Variants in EIF4H observed in about 807,000 individuals in gnomAD.
EIF4H encodes the protein Williams-Beuren syndrome chromosome region 1.
In EIF4H, 8 loss-of-function variants were observed where a neutral mutation model predicts 30.6. The ratio of observed to expected loss-of-function variants is 0.26; its 90% CI spans 0.15 to 0.47. The LOEUF (loss-of-function observed/expected upper bound fraction) is 0.47, where lower values mean the gene tolerates loss of function less well. Among genes scored for constraint, EIF4H ranks in the 20% least tolerant of loss-of-function variants. EIF4H has a pLI of 0.99. For synonymous variants in EIF4H, 106 were observed against 122.7 expected (o/e 0.86, Z 0.90); for missense variants, 188 against 339.5 (o/e 0.55, Z 3.51).
intron 1 of EIF4H, among the ~76,000 whole-genome samples, chr7:74,185,897 G>A (rs1801069032): frequency 1.3e-5 from 2 of 151,970 alleles, no homozygotes; most frequent in Admixed American, 1.3e-4. Context: ...CAGGAAATGG[G>A]TTAAATGTCT....
At chr7:74,186,807 T>A (rs1554709239) in intron 1 of EIF4H, among the ~76,000 whole-genome samples, 594 of 45,984 alleles carry the variant, frequency 0.013, 120 homozygotes, top group African/African-American at 0.044. Context: ...TTTTTTTTTT[T>A]TTTTTTTTTT....
intron 1 of EIF4H, among the ~76,000 whole-genome samples, chr7:74,174,643 G>A (rs953922527): frequency 6.6e-6 from 1 of 152,004 alleles, no homozygotes; most frequent in Admixed American, 6.5e-5. Context: ...CCGGGGTCTT[G>A]CTTGCGGGGC....
intron 5 of EIF4H, among the ~76,000 whole-genome samples, chr7:74,193,913 A>G (rs1801283244): frequency 6.6e-6 from 1 of 152,178 alleles, no homozygotes; most frequent in African/African-American, 2.4e-5. Flanking sequence ...ACCAAATTTT[A>G]ACATCAGTAG....
chr7:74,184,692 TTGTTTTTTG>T (rs1410351391), intron 1 of EIF4H, among the ~76,000 whole-genome samples: 1 of 152,060 alleles, frequency 6.6e-6, no homozygotes, highest in East Asian at 1.9e-4. Flanking sequence ...GCTTTTTTGT[TTGTTTTTTG>T]TGTTTTTTTG....
intron 1 of EIF4H, among the ~76,000 whole-genome samples, chr7:74,176,341 G>A (rs1406599421): frequency 6.6e-6 from 1 of 151,370 alleles, no homozygotes; most frequent in African/African-American, 2.4e-5. Flanking sequence ...GGGTTTAAGC[G>A]ATTCTCCTGC....
chr7:74,176,597 A>G (rs1800846912), intron 1 of EIF4H, among the ~76,000 whole-genome samples: 1 of 152,246 alleles, frequency 6.6e-6, no homozygotes, highest in Non-Finnish European at 1.5e-5. Flanking sequence ...GTCACAGGTG[A>G]AAGAAATGGT....
intron 2 of EIF4H, among the ~76,000 whole-genome samples, chr7:74,188,874 A>T (rs1554709510): frequency 6.6e-6 from 1 of 152,092 alleles, no homozygotes; most frequent in Non-Finnish European, 1.5e-5. Context: ...ACCTGGGGGG[A>T]CATCCCTCCA....
chr7:74,174,467 G>T (rs782514280), intron 1 of EIF4H, 25 bp downstream of exon 1: 1 of 1,399,804 alleles, frequency 7.1e-7, no homozygotes, highest in African/African-American at 1.5e-5. Context: ...CGCGGGCCCC[G>T]TCGGGGGCTG....
chr7:74,187,877 T>G, intron 2 of EIF4H, 79 bp downstream of exon 2: 1 of 1,413,856 alleles, frequency 7.1e-7, no homozygotes, highest in Non-Finnish European at 9.4e-7. Flanking sequence ...AAAAATAGAT[T>G]TGTGAACCAG....
In EIF4H at chr7:74,181,820, C is replaced by T. The variant is rs564639603; in HGVS notation, c.60-5791C>T. Among the ~76,000 whole-genome samples, 12 of 148,632 alleles carry T rather than the reference C, an allele frequency of 8.1e-5. No homozygotes were observed. The South Asian group carries it at 2.1e-3, about 26-fold the overall frequency. Reference sequence around the variant, plus strand: ...CGCGATCTCAGCTCACTGCAGCCTCCGCCACCACCCCTCAGCCTCCCGAGT... The same window carrying T: ...CGCGATCTCAGCTCACTGCAGCCTCTGCCACCACCCCTCAGCCTCCCGAGT... On this transcript the variant is annotated intron_variant, in intron 1 of 6. Coordinates refer to ENST00000265753, the MANE Select transcript of EIF4H (RefSeq NM_022170.2).
rs1468801960 is a variant in EIF4H, at chr7:74,178,867, T to C, written c.59+4425T>C. The stretch of plus-strand genomic sequence containing the variant: ...TTCGAAGTTTCCCCACGTCATGATT[T>C]ATGTGATTTTCCGTCTTGATCAGGA... On this transcript the variant is annotated intron_variant, in intron 1 of 6. Coordinates refer to ENST00000265753, the MANE Select transcript of EIF4H (RefSeq NM_022170.2). Among the ~76,000 whole-genome samples, 3 of 152,228 alleles carry C rather than the reference T, an allele frequency of 2.0e-5. No homozygotes were observed. In the East Asian group the frequency reaches 5.8e-4, roughly 29 times the overall value.
rs1270938024 is a variant in EIF4H at position 74,190,374 on chromosome 7, C to T, written c.469+68C>T. Reference sequence around the variant, plus strand: ...CCTTGCTGCTGTTCTCTGTTTCTTACGAGTAGCCCGCCTGGCCGGACTACT... The same window carrying T: ...CCTTGCTGCTGTTCTCTGTTTCTTATGAGTAGCCCGCCTGGCCGGACTACT... On this transcript the variant is annotated intron_variant, in intron 5 of 6. Coordinates refer to ENST00000265753, the MANE Select transcript of EIF4H (RefSeq NM_022170.2). The T allele has an allele frequency of 2.7e-5, 40 of 1,490,234 alleles. No individual in the cohort carries two copies. The East Asian group carries it at 6.1e-4, about 23-fold the overall frequency. 92.3% of individuals were successfully genotyped at this position (1,490,234 alleles called of 1,614,324 possible).
Position 74,195,535 on chromosome 7 carries a change from C to A in EIF4H, c.*227C>A. On this transcript the variant is annotated 3_prime_UTR_variant, in exon 7 of 7. Coordinates refer to ENST00000265753, the MANE Select transcript of EIF4H (RefSeq NM_022170.2). ...TGTTTGTGCGTTTTTTTCTTTCTTC[C>A]GCTGCTTCCCCATTTTCCTTCTGTC... is the stretch of plus-strand genomic sequence containing the variant. The A allele has an allele frequency of 2.5e-6, 1 of 406,938 alleles. No homozygotes were observed. The highest frequency in any genetic ancestry group is 4.4e-6 in the Non-Finnish European group (1 of 227,610). The allele number at this position is 406,938 out of a possible 1,614,324, so 25.2% of individuals were successfully genotyped here.
intron 5 of EIF4H, chr7:74,191,303 C>T (rs781957592): frequency 3.8e-6 from 2 of 531,014 alleles, no homozygotes; most frequent in African/African-American, 3.9e-5. Flanking sequence ...CAGCTGTCTT[C>T]TTAGAGCCAA....
chr7:74,186,949 G>T (rs925182956), intron 1 of EIF4H, among the ~76,000 whole-genome samples: 4 of 151,538 alleles, frequency 2.6e-5, no homozygotes, highest in Non-Finnish European at 5.9e-5. Context: ...TATTATGTAT[G>T]AATGTGTTAA....
Position 74,195,216 on chromosome 7 carries a change from G to A in EIF4H, c.655G>A (p.Ala219Thr), listed in dbSNP as rs781969544. 1.2e-6 allele frequency: 2 copies of A among 1,613,994 alleles called. No individual in the cohort carries two copies. Among genetic ancestry groups the A allele is most frequent in the East Asian group, 2.2e-5 (1 of 44,884 alleles). Reference protein sequence around the residue: ...PRLQLKPRTVATPLNQVANPN... With the variant: ...PRLQLKPRTVTTPLNQVANPN... Reference sequence around the variant, plus strand: ...ACTCCAGCTTAAACCTCGAACAGTCGCGACGCCCCTCAATCAAGTAGCCAA... The same window carrying A: ...ACTCCAGCTTAAACCTCGAACAGTCACGACGCCCCTCAATCAAGTAGCCAA... The change falls in exon 7 of 7, where the codon GCG (alanine) becomes ACG (threonine). Residue 219 changes from alanine to threonine, a missense_variant. Ala to Thr is a moderately conservative substitution (Grantham distance 58). Coordinates refer to ENST00000265753, the MANE Select transcript of EIF4H (RefSeq NM_022170.2).
rs35668946 is a variant in EIF4H, at chr7:74,196,504, T to C, written c.*1196T>C. On this transcript the variant is annotated 3_prime_UTR_variant, in exon 7 of 7. Transcript: ENST00000265753. ...TCCCATGTGCAGGGTTCAGCAGTTA[T>C]GTGGGAGTGCTAGGGGTTAGGCTTT... 10 of 152,610 alleles carry C rather than the reference T, an allele frequency of 6.6e-5. No homozygotes were observed. Among genetic ancestry groups the C allele is most frequent in the Middle Eastern group, 3.4e-3 (1 of 294 alleles). The allele number at this position is 152,610 out of a possible 1,614,324, so 9.5% of individuals were successfully genotyped here.
intron 1 of EIF4H, among the ~76,000 whole-genome samples, chr7:74,174,981 G>A (rs1053268941): frequency 6.6e-6 from 1 of 152,212 alleles, no homozygotes; most frequent in African/African-American, 2.4e-5. Flanking sequence ...TGGCGGCTCT[G>A]GCCCGGGGAT....
chr7:74,174,366 T>C lies in EIF4H; in HGVS notation c.-18T>C. 5 of 1,444,198 alleles carry C rather than the reference T, an allele frequency of 3.5e-6. No homozygotes were observed. Among genetic ancestry groups the C allele is most frequent in the Non-Finnish European group, 4.6e-6 (5 of 1,084,174 alleles). The allele number at this position is 1,444,198 out of a possible 1,614,324, so 89.5% of individuals were successfully genotyped here. On this transcript the variant is annotated 5_prime_UTR_variant, in exon 1 of 7. Coordinates refer to ENST00000265753, the MANE Select transcript of EIF4H (RefSeq NM_022170.2). The stretch of plus-strand genomic sequence containing the variant: ...CCTTCCTCGCTCACCCTGGTTCCTC[T>C]CGGAGCGGAGACGGCAAATGGCGGA...
Sources: gnomAD v4.1 joint callset for allele counts (sites outside exome capture counted in the v4.1 genomes callset) on GRCh38, gnomAD v4.1.1 for gene constraint, MANE v1.5 for transcripts, NCBI Gene and HGNC (gene_info 2026-07-23, HGNC 2026-07-21) for gene names.